The following ABCA9 variants were observed in gnomAD, a reference collection of about 807,000 sequenced individuals.
The protein encoded by ABCA9 is ATP binding cassette subfamily A member 9, also known as ATP-binding cassette sub-family A member 9.
Under a neutral mutation model 205.3 loss-of-function variants are expected in ABCA9, and 183 were observed. That is an observed-to-expected ratio of 0.89 (90% confidence interval 0.79 to 1.01). The LOEUF is 1.01. Ranked by LOEUF, ABCA9 falls within the 50% of genes least tolerant of loss-of-function variation. The pLI, the probability that ABCA9 is intolerant of heterozygous loss-of-function variation, is 0.00. For missense variants in ABCA9, 1,805 were observed against 1,912.4 expected, an observed-to-expected ratio of 0.94 and a Z score of 1.05; for synonymous variants, 651 against 683.3, an observed-to-expected ratio of 0.95 and a Z score of 0.74.
intron 26 of ABCA9, among the ~76,000 whole-genome samples, chr17:68,993,370 C>T (rs965267707): frequency 2.0e-4 from 31 of 152,162 alleles, no homozygotes; most frequent in African/African-American, 7.5e-4. Context: ...GAAGCAATGC[C>T]AAGTCTGTCT....
intron 10 of ABCA9, 49 bp from the exon 11 acceptor site, chr17:69,029,276 G>T: frequency 8.4e-7 from 1 of 1,196,400 alleles, no homozygotes; most frequent in Non-Finnish European, 1.2e-6. Flanking sequence ...AATGTGCAGA[G>T]GATTGATAAG....
At chr17:69,063,399 C>G (rs1337929443), upstream of ABCA9, among the ~76,000 whole-genome samples, 1 of 152,180 alleles carries the variant, frequency 6.6e-6, no homozygotes, top group Non-Finnish European at 1.5e-5. Flanking sequence ...CTTCTCAACA[C>G]TGTGCAAAAA....
At chr17:69,003,324 A>G (rs1336507980) in intron 25 of ABCA9, among the ~76,000 whole-genome samples, 1 of 148,044 alleles carries the variant, frequency 6.8e-6, no homozygotes, top group African/African-American at 2.5e-5. Flanking sequence ...TGGTGACAAA[A>G]TCTCTCAGCA....
chr17:69,037,356 A>G (rs1387726683), intron 6 of ABCA9, among the ~76,000 whole-genome samples: 1 of 152,206 alleles, frequency 6.6e-6, no homozygotes, highest in Non-Finnish European at 1.5e-5. Flanking sequence ...GGAAATCATA[A>G]CAAACAGTTT....
At chr17:69,042,848 A>G (rs1417251307) in intron 6 of ABCA9, 3 of 152,616 alleles carry the variant, frequency 2.0e-5, no homozygotes, top group African/African-American at 7.2e-5. Flanking sequence ...GCAGTCCCCA[A>G]CCTTTTTGGC....
intron 25 of ABCA9, among the ~76,000 whole-genome samples, chr17:68,998,591 G>T (rs2069717824): frequency 6.6e-6 from 1 of 151,824 alleles, no homozygotes; most frequent in African/African-American, 2.4e-5. Context: ...TTTATACATA[G>T]AATTATTTTA....
rs150711847 is a variant in ABCA9 at position 68,989,624 on chromosome 17, G to A, written c.3955+189C>T. Among the ~76,000 whole-genome samples, 8 of 152,236 alleles carry A rather than the reference G, an allele frequency of 5.3e-5. No homozygotes were observed. The East Asian group carries it at 1.5e-3, about 29-fold the overall frequency. ...TTCTGTTTGTTTGTGTTACAGAACA[G>A]ACATAACTGTCTTCCTATGTAAAGA... On this transcript the variant is annotated intron_variant, in intron 30 of 38. Coordinates refer to ENST00000340001, the MANE Select transcript of ABCA9 (RefSeq NM_080283.4).
At chr17:69,024,420 G>A (rs1598386643) in intron 16 of ABCA9, 67 bp from the exon 17 acceptor site, 1 of 1,394,942 alleles carries the variant, frequency 7.2e-7, no homozygotes, top group East Asian at 2.5e-5. Flanking sequence ...TCCTAATTAT[G>A]TAGTATGTGC....
At chr17:69,001,819 T>A (rs2069882363) in intron 25 of ABCA9, among the ~76,000 whole-genome samples, 1 of 152,090 alleles carries the variant, frequency 6.6e-6, no homozygotes, top group Non-Finnish European at 1.5e-5. Context: ...TATTCAGAGA[T>A]TCAACTTCTT....
At chr17:69,024,483 A>G in intron 16 of ABCA9, 130 bp from the exon 17 acceptor site, 1 of 856,546 alleles carries the variant, frequency 1.2e-6, no homozygotes, top group Non-Finnish European at 1.7e-6. Flanking sequence ...TTACTGGACA[A>G]AGTAAGATGT....
At chr17:69,020,856 ATG>A (rs2070785808) in intron 18 of ABCA9, 1 of 319,080 alleles carries the variant, frequency 3.1e-6, no homozygotes, top group African/African-American at 2.2e-5. Context: ...AAGGAAATCA[ATG>A]AAAAAAAACT....
At position 68,975,905 on chromosome 17, in the gene ABCA9, A is replaced by T. The variant is rs1332838906; in HGVS notation, c.*10T>A. On this transcript the variant is annotated 3_prime_UTR_variant, in exon 39 of 39. Coordinates refer to ENST00000340001, the MANE Select transcript of ABCA9 (RefSeq NM_080283.4). ...ACAGGATTAAAGAAAGATATAGGGT[A>T]TTTGGAGCTTTAAGGCTCTTCCTGC... 6.3e-7 allele frequency: 1 copy of T among 1,597,396 alleles called. No homozygotes were observed. The highest frequency in any genetic ancestry group is 1.7e-5 in the Admixed American group (1 of 59,232).
Position 69,035,354 on chromosome 17 carries a change from G to A in ABCA9, c.1020C>T (p.Val340=). 6.2e-7 allele frequency: 1 copy of A among 1,609,076 alleles called. No individual in the cohort carries two copies. Among genetic ancestry groups the A allele is most frequent in the Non-Finnish European group, 8.5e-7 (1 of 1,177,404 alleles). ...CTGGGAATCCCAGGATCCCCCAAAAGACAATAAGGAGAAACACAACCAAGC... is the reference window on the plus strand; with the variant it reads ...CTGGGAATCCCAGGATCCCCCAAAAAACAATAAGGAGAAACACAACCAAGC... ...LTGLVVFLLI[V]FWGILGFPAL... The change falls in exon 8 of 39, where the codon GTC becomes GTT. Residue 340 remains valine, a synonymous_variant. Transcript: ENST00000340001.
Position 69,012,037 on chromosome 17 carries a change from CAGA to C in ABCA9, c.3083_3085del (p.Phe1028del), listed in dbSNP as rs771294717. 4.3e-6 allele frequency: 7 copies of C among 1,613,164 alleles called. No individual in the cohort carries two copies. Among genetic ancestry groups the C allele is most frequent in the East Asian group, 2.2e-5 (1 of 44,838 alleles). On this transcript the variant is annotated inframe_deletion, in exon 23 of 39. Coordinates refer to ENST00000340001, the MANE Select transcript of ABCA9 (RefSeq NM_080283.4). The stretch of plus-strand genomic sequence containing the variant: ...AGTGAAAGAGGCTGCCATCGGTATC[CAGA>C]AGAAGGTGTTACTTCGGTACCCATA...
Position 69,045,251 on chromosome 17 carries a change from A to G in ABCA9, c.390T>C (p.Phe130=), listed in dbSNP as rs1278649075. Residue 130 remains phenylalanine, a synonymous_variant, in exon 4 of 39, where the codon TTT becomes TTC. Coordinates refer to ENST00000340001, the MANE Select transcript of ABCA9 (RefSeq NM_080283.4). The part of the protein sequence containing the change: ...NYSIDAVRVI[F]TDTFSYHLKF... ...TCAAATGGTAGGAGAAGGTATCAGTAAAGATGACTCTCACTGCGTCTATTG... is the reference window on the plus strand; with the variant it reads ...TCAAATGGTAGGAGAAGGTATCAGTGAAGATGACTCTCACTGCGTCTATTG... 1.9e-6 allele frequency: 3 copies of G among 1,613,426 alleles called. No individual in the cohort carries two copies. Among genetic ancestry groups the G allele is most frequent in the Middle Eastern group, 1.7e-4 (1 of 6,058 alleles).
At chr17:69,013,625 A>G (rs2070467232) in intron 22 of ABCA9, among the ~76,000 whole-genome samples, 2 of 152,102 alleles carry the variant, frequency 1.3e-5, no homozygotes, top group South Asian at 4.1e-4. Context: ...TCTGTGTTAG[A>G]TCATATCCAC....
intron 16 of ABCA9, among the ~76,000 whole-genome samples, chr17:69,025,258 A>G (rs1176052700): frequency 6.6e-6 from 1 of 152,198 alleles, no homozygotes; most frequent in Non-Finnish European, 1.5e-5. Context: ...ACTGCAAAGT[A>G]GGTATTATTA....
At chr17:69,026,585 C>T in intron 15 of ABCA9, 118 bp from the exon 16 acceptor site, 1 of 934,772 alleles carries the variant, frequency 1.1e-6, no homozygotes, top group Non-Finnish European at 1.6e-6. Context: ...TAGATATACT[C>T]TAATTCTGGC....
At chr17:69,067,491 C>T in the ABCA9 span, among the ~76,000 whole-genome samples, 3 of 148,088 alleles carry the variant, frequency 2.0e-5, no homozygotes, top group South Asian at 2.1e-4. Context: ...GGGAGGTGGA[C>T]GTTGCAGTGA....
Sources: allele counts gnomAD v4.1 joint callset (sites outside exome capture counted in the v4.1 genomes callset), GRCh38; gene constraint gnomAD v4.1.1; transcripts MANE v1.5; gene names NCBI Gene and HGNC (gene_info 2026-07-23, HGNC 2026-07-21).